Variants in ST6GALNAC6 observed in about 807,000 individuals in gnomAD.
ST6GALNAC6 encodes alpha-N-acetylgalactosaminide alpha-2,6-sialyltransferase 6.
ST6GALNAC6 carries 19 observed loss-of-function variants against 34.3 expected under a neutral mutation model. The ratio of observed to expected loss-of-function variants is 0.55; its 90% CI spans 0.39 to 0.81. The LOEUF is 0.81. Among genes scored for constraint, ST6GALNAC6 ranks in the 40% least tolerant of loss-of-function variants. ST6GALNAC6 has a pLI of 0.00. For synonymous variants in ST6GALNAC6, 185 were observed against 182.1 expected (o/e 1.02, Z -0.13); for missense variants, 377 against 467.7 (o/e 0.81, Z 1.79).
intron 2 of ST6GALNAC6, chr9:127,897,695 G>T: frequency 1.3e-6 from 1 of 787,450 alleles, no homozygotes; most frequent in Non-Finnish European, 1.9e-6. Context: ...CAGGAGTCCA[G>T]AATCCTGGGG....
upstream of ST6GALNAC6, among the ~76,000 whole-genome samples, chr9:127,900,404 T>C (rs558360741): frequency 2.6e-5 from 4 of 151,010 alleles, no homozygotes; most frequent in South Asian, 8.4e-4. Context: ...CTACTAAAGA[T>C]ACAAAATTAG....
At chr9:127,887,653 A>G in intron 5 of ST6GALNAC6, 62 bp from the exon 6 acceptor site, 1 of 1,371,624 alleles carries the variant, frequency 7.3e-7, no homozygotes, top group East Asian at 2.5e-5. Context: ...CAGGTGACCC[A>G]GGGTCACCCA....
In ST6GALNAC6 at chr9:127,891,958, C is replaced by T. The variant is rs372147525; in HGVS notation, c.298-915G>A. On this transcript the variant is annotated intron_variant, in intron 4 of 6. Coordinates refer to ENST00000373146, the MANE Select transcript of ST6GALNAC6 (RefSeq NM_013443.5). Reference sequence around the variant, plus strand: ...CCTGAGCTCAGGAGTTCGAGACCAGCCTGACCAACATGGAGAAACCCCATC... The same window carrying T: ...CCTGAGCTCAGGAGTTCGAGACCAGTCTGACCAACATGGAGAAACCCCATC... 7.4e-4 allele frequency among the ~76,000 whole-genome samples: 113 copies of T among 152,086 alleles called. 1 individual carries two copies. Among genetic ancestry groups the T allele is most frequent in the African/African-American group, 2.3e-3 (95 of 41,494 alleles).
At position 127,899,552 on chromosome 9, in the gene ST6GALNAC6, G is replaced by GGCGCCGGGAGCCGA; in HGVS notation, c.-93_-80dup. The GGCGCCGGGAGCCGA allele has an allele frequency of 3.1e-6, 3 of 980,936 alleles. No individual in the cohort carries two copies. Among genetic ancestry groups the GGCGCCGGGAGCCGA allele is most frequent in the Non-Finnish European group, 3.6e-6 (3 of 828,142 alleles). The allele number at this position is 980,936 out of a possible 1,614,324, so 60.8% of individuals were successfully genotyped here. The stretch of plus-strand genomic sequence containing the variant: ...CCGCGGCCCCCGAGCCCCCTCACAT[G>GGCGCCGGGAGCCGA]GCGCCGGGAGCCGAGCGCCGGGGTC... On this transcript the variant is annotated 5_prime_UTR_variant, in exon 1 of 7. Transcript: ENST00000373146.
Position 127,890,756 on chromosome 9 carries a change from G to T in ST6GALNAC6, c.585C>A (p.Ser195Arg). The change falls in exon 5 of 7, where the codon AGC (serine) becomes AGA (arginine). Residue 195 changes from serine to arginine, a missense_variant. By Grantham distance (110) the Ser-to-Arg change is moderately radical. Transcript: ENST00000373146. The surrounding 1 kb of genome is among the most constrained non-coding windows in gnomAD (Gnocchi z 4.3). Reference sequence around the variant, plus strand: ...CCGCTCGCTGGATCACACGCACGAGGCTGCCCTGGGGCTTCTGCATCTTGC... The same window carrying T: ...CCGCTCGCTGGATCACACGCACGAGTCTGCCCTGGGGCTTCTGCATCTTGC... ...PPSKMQKPQG[S>R]LVRVIQRAGL... The T allele has an allele frequency of 6.2e-7, 1 of 1,613,046 alleles. No individual in the cohort carries two copies. Among genetic ancestry groups the T allele is most frequent in the Non-Finnish European group, 8.5e-7 (1 of 1,179,192 alleles).
intron 3 of ST6GALNAC6, among the ~76,000 whole-genome samples, chr9:127,895,501 A>C (rs1008867214): frequency 7.2e-5 from 11 of 152,180 alleles, no homozygotes; most frequent in African/African-American, 1.2e-4. Flanking sequence ...GGAGCCATCC[A>C]GTGGGCCATA....
chr9:127,890,964 A>T lies in ST6GALNAC6; in HGVS notation c.377T>A (p.Ile126Asn), dbSNP rs1830100836. 1 of 1,613,980 alleles carries T rather than the reference A, an allele frequency of 6.2e-7. No homozygotes were observed. Among genetic ancestry groups the T allele is most frequent in the African/African-American group, 1.3e-5 (1 of 74,902 alleles). Residue 126 changes from isoleucine (I) to asparagine (N), a missense_variant, in exon 5 of 7, where the codon ATC becomes AAC. By Grantham distance (149) the Ile-to-Asn change is moderately radical. Coordinates refer to ENST00000373146, the MANE Select transcript of ST6GALNAC6 (RefSeq NM_013443.5). The surrounding 1 kb of genome is among the most constrained non-coding windows in gnomAD (Gnocchi z 4.3). ...HLLGTKLGPE[I>N]ERAECTIRMN... ...GCGGATTGTACACTCAGCCCGCTCG[A>T]TCTCAGGGCCCAGCTTGGTGCCCAG...
At chr9:127,898,297 G>A (rs1830592804) in intron 1 of ST6GALNAC6, among the ~76,000 whole-genome samples, 1 of 152,210 alleles carries the variant, frequency 6.6e-6, no homozygotes, top group Admixed American at 6.5e-5. Flanking sequence ...GGAGGCTGAG[G>A]CAGGAGAATC....
At position 127,886,549 on chromosome 9, in the gene ST6GALNAC6, C is replaced by A. The variant is rs374731986; in HGVS notation, c.*50G>T. Reference sequence around the variant, plus strand: ...GATGGTCCCTGGCCTAGCGGCTGGGCGGAGGCTGCTTCTCCTCTGACCCTC... The same window carrying A: ...GATGGTCCCTGGCCTAGCGGCTGGGAGGAGGCTGCTTCTCCTCTGACCCTC... On this transcript the variant is annotated 3_prime_UTR_variant, in exon 7 of 7. Transcript: ENST00000373146. 52 of 1,604,134 alleles carry A rather than the reference C, an allele frequency of 3.2e-5. No homozygotes were observed. The highest frequency in any genetic ancestry group is 1.7e-4 in the Middle Eastern group (1 of 6,030).
chr9:127,896,263 C>CCGG lies in ST6GALNAC6; in HGVS notation c.93_95dup (p.Arg33dup). Reference sequence around the variant, plus strand: ...TTACTTTGTTGCTACTCATTTCTCTCCGGCGTCTGCTGAGGGGTAGGTGTC... The same window carrying CCGG: ...TTACTTTGTTGCTACTCATTTCTCTCCGGCGGCGTCTGCTGAGGGGTAGGTGTC... On this transcript the variant is annotated inframe_insertion, in exon 3 of 7. Coordinates refer to ENST00000373146, the MANE Select transcript of ST6GALNAC6 (RefSeq NM_013443.5). 1 of 1,614,164 alleles carries CCGG rather than the reference C, an allele frequency of 6.2e-7. No individual in the cohort carries two copies.
At chr9:127,896,861 T>C (rs1830489789) in intron 2 of ST6GALNAC6, 1 of 985,218 alleles carries the variant, frequency 1.0e-6, no homozygotes, top group Non-Finnish European at 1.2e-6. Context: ...AAGAGCTGCC[T>C]GCGGGATACA....
chr9:127,887,511 T>A lies in ST6GALNAC6; in HGVS notation c.785A>T (p.Tyr262Phe). Residue 262 changes from tyrosine (Y) to phenylalanine (F), a missense_variant, in exon 6 of 7, where the codon TAT becomes TTT. Tyr to Phe is a conservative substitution (Grantham distance 22, BLOSUM62 3). Coordinates refer to ENST00000373146, the MANE Select transcript of ST6GALNAC6 (RefSeq NM_013443.5). ...GCAGTAGTTGGGGGGGACCATGCCATAGACATGCACGTGGTCACACAACTC... is the reference window on the plus strand; with the variant it reads ...GCAGTAGTTGGGGGGGACCATGCCAAAGACATGCACGTGGTCACACAACTC... Reference protein sequence around the residue: ...AVELCDHVHVYGMVPPNYCSQ... With the variant: ...AVELCDHVHVFGMVPPNYCSQ... The A allele has an allele frequency of 6.2e-7, 1 of 1,612,662 alleles. No individual in the cohort carries two copies. Among genetic ancestry groups the A allele is most frequent in the Non-Finnish European group, 8.5e-7 (1 of 1,179,338 alleles).
At chr9:127,897,872 C>A (rs368336478) in intron 2 of ST6GALNAC6, 84 bp downstream of exon 2, 2 of 1,601,830 alleles carry the variant, frequency 1.2e-6, no homozygotes, top group African/African-American at 2.7e-5. Context: ...CCCCCTGGTC[C>A]GCCCCGTCAC....
intron 3 of ST6GALNAC6, among the ~76,000 whole-genome samples, chr9:127,895,634 T>C (rs1004784023): frequency 1.3e-5 from 2 of 152,216 alleles, no homozygotes; most frequent in African/African-American, 4.8e-5. Flanking sequence ...TAGTGTCCTA[T>C]TATAGTCAAT....
upstream of ST6GALNAC6, chr9:127,903,183 G>A (rs1429474566): frequency 6.6e-6 from 1 of 151,626 alleles, no homozygotes; most frequent in Non-Finnish European, 1.5e-5. Flanking sequence ...ATTTTTAGTA[G>A]AGATGGGGTT....
intron 4 of ST6GALNAC6, 110 bp downstream of exon 4, chr9:127,894,402 C>G: frequency 1.5e-6 from 2 of 1,357,820 alleles, no homozygotes; most frequent in Non-Finnish European, 2.0e-6. Context: ...ATGAAATCAC[C>G]GGAGGCAGGG....
At chr9:127,895,958 C>T (rs539697369) in intron 3 of ST6GALNAC6, among the ~76,000 whole-genome samples, 1 of 152,202 alleles carries the variant, frequency 6.6e-6, no homozygotes, top group African/African-American at 2.4e-5. Flanking sequence ...TCCTGCACAG[C>T]ACTCCACAGT....
At chr9:127,892,463 A>G (rs1830204783) in intron 4 of ST6GALNAC6, among the ~76,000 whole-genome samples, 1 of 152,198 alleles carries the variant, frequency 6.6e-6, no homozygotes, top group African/African-American at 2.4e-5. Flanking sequence ...CATTTGTTTT[A>G]CTTATTTTCC....
rs1197024059 is a variant in ST6GALNAC6, at chr9:127,899,545, C to T, written c.-72G>A. 3 of 981,076 alleles carry T rather than the reference C, an allele frequency of 3.1e-6. No homozygotes were observed. Among genetic ancestry groups the T allele is most frequent in the South Asian group, 4.7e-5 (1 of 21,336 alleles). 60.8% of individuals were successfully genotyped at this position (981,076 alleles called of 1,614,324 possible). The stretch of plus-strand genomic sequence containing the variant: ...CGGCCCCCCGCGGCCCCCGAGCCCC[C>T]TCACATGGCGCCGGGAGCCGAGCGC... On this transcript the variant is annotated 5_prime_UTR_variant, in exon 1 of 7. Coordinates refer to ENST00000373146, the MANE Select transcript of ST6GALNAC6 (RefSeq NM_013443.5).
Sources: allele counts gnomAD v4.1 joint callset (sites outside exome capture counted in the v4.1 genomes callset), GRCh38; gene constraint gnomAD v4.1.1; non-coding constraint Gnocchi (gnomAD v3.1); transcripts MANE v1.5; gene names NCBI Gene and HGNC (gene_info 2026-07-23, HGNC 2026-07-21).